Variants in SRGAP3 observed in about 807,000 individuals in gnomAD.
SRGAP3 encodes the protein SLIT-ROBO Rho GTPase-activating protein 3.
In SRGAP3, 39 loss-of-function variants were observed where a neutral mutation model predicts 121.1. The ratio of observed to expected loss-of-function variants is 0.32; its 90% CI spans 0.25 to 0.42. The LOEUF (loss-of-function observed/expected upper bound fraction) is 0.42, where lower values mean the gene tolerates loss of function less well. Ranked by LOEUF, SRGAP3 falls within the 10% of genes least tolerant of loss-of-function variation. SRGAP3 has a pLI of 1.00. For missense variants in SRGAP3, 1,213 were observed against 1,470.6 expected (o/e 0.82, Z 2.86); for synonymous variants, 601 against 570.0 (o/e 1.05, Z -0.77).
At chr3:9,141,831 C>A (rs1305029088) in intron 1 of SRGAP3, among the ~76,000 whole-genome samples, 5 of 152,204 alleles carry the variant, frequency 3.3e-5, no homozygotes, top group Admixed American at 2.0e-4. Flanking sequence ...AGGAGACCCT[C>A]TCTGCCTTTG....
At chr3:9,238,409 A>G (rs1355787546) in intron 1 of SRGAP3, among the ~76,000 whole-genome samples, 1 of 152,140 alleles carries the variant, frequency 6.6e-6, no homozygotes, top group Non-Finnish European at 1.5e-5. Flanking sequence ...GTCCTTAGGG[A>G]GGAGAGAAAG....
At chr3:9,016,628 A>G (rs2125042751) in intron 14 of SRGAP3, among the ~76,000 whole-genome samples, 1 of 152,276 alleles carries the variant, frequency 6.6e-6, no homozygotes, top group South Asian at 2.1e-4. Flanking sequence ...AATAAGTATG[A>G]TCTGTGAAAT....
In SRGAP3 at chr3:9,053,090, C is replaced by G; in HGVS notation, c.1260G>C (p.Met420Ile). Residue 420 changes from methionine (M) to isoleucine (I), a missense_variant, in exon 9 of 22, where the codon ATG (methionine) becomes ATC (isoleucine). By Grantham distance (10) the Met-to-Ile change is conservative (BLOSUM62 1). Transcript: ENST00000383836. ...TCCTCTTGGCAATGTTGATCTTGCT[C>G]ATGTAGGTCTCAGAGGCAGCCGACT... The part of the protein sequence containing the change: ...SVKSAASETY[M>I]SKINIAKRRA... 4 of 1,614,144 alleles carry G rather than the reference C, an allele frequency of 2.5e-6. No homozygotes were observed. Among genetic ancestry groups the G allele is most frequent in the Non-Finnish European group, 3.4e-6 (4 of 1,180,038 alleles).
At chr3:9,339,658 G>A (rs1370924436) in intron 1 of SRGAP3, among the ~76,000 whole-genome samples, 1 of 152,202 alleles carries the variant, frequency 6.6e-6, no homozygotes, top group Non-Finnish European at 1.5e-5. Flanking sequence ...TTAAAGAGAA[G>A]CAGGAAATAT....
intron 1 of SRGAP3, among the ~76,000 whole-genome samples, chr3:9,230,117 C>T (rs561495089): frequency 1.3e-5 from 2 of 152,320 alleles, no homozygotes; most frequent in African/African-American, 2.4e-5. Context: ...TAATAACAAT[C>T]GGTGACGCTG....
chr3:9,005,384 T>C (rs1943013134), intron 18 of SRGAP3, among the ~76,000 whole-genome samples: 1 of 152,210 alleles, frequency 6.6e-6, no homozygotes, highest in African/African-American at 2.4e-5. Flanking sequence ...CTTAAATGAC[T>C]GACATAGAGT....
chr3:9,096,990 C>T (rs802795), intron 3 of SRGAP3, among the ~76,000 whole-genome samples: 18,064 of 115,880 alleles, frequency 0.16, 1,789 homozygotes, highest in Admixed American at 0.21. Context: ...TACACATACA[C>T]ACACATATAT....
chr3:9,176,217 G>A (rs560137956), intron 1 of SRGAP3, among the ~76,000 whole-genome samples: 5 of 152,258 alleles, frequency 3.3e-5, no homozygotes. Flanking sequence ...ACCACAACCA[G>A]CCTAGCTTGG....
chr3:9,272,336 C>T (rs1393236263), intron 3 of SRGAP3, among the ~76,000 whole-genome samples: 1 of 152,204 alleles, frequency 6.6e-6, no homozygotes, highest in Non-Finnish European at 1.5e-5. Context: ...GTTGTGCAGC[C>T]AGCACCACCA....
chr3:9,157,428 C>T (rs1281470780), intron 1 of SRGAP3, among the ~76,000 whole-genome samples: 1 of 152,196 alleles, frequency 6.6e-6, no homozygotes, highest in Non-Finnish European at 1.5e-5. Flanking sequence ...GGTGGGGACA[C>T]AGAGCCAAAC....
intron 8 of SRGAP3, 109 bp from the exon 9 acceptor site, chr3:9,053,333 G>C: frequency 9.2e-7 from 1 of 1,086,634 alleles, no homozygotes. Flanking sequence ...AAGTCCCTAG[G>C]ATATAGGCAG....
At chr3:9,245,369 T>C (rs944897662) in intron 1 of SRGAP3, among the ~76,000 whole-genome samples, 10 of 152,210 alleles carry the variant, frequency 6.6e-5, no homozygotes, top group Non-Finnish European at 1.5e-5. Flanking sequence ...TATCCATTTA[T>C]TCTATCTGCC....
intron 1 of SRGAP3, among the ~76,000 whole-genome samples, chr3:9,339,316 G>T (rs749630441): frequency 1.2e-4 from 18 of 152,184 alleles, no homozygotes; most frequent in Non-Finnish European, 2.4e-4. Context: ...CTCTCACAGT[G>T]GCAAAAGAAG....
chr3:9,254,668 T>C (rs778047952), upstream of SRGAP3, among the ~76,000 whole-genome samples: 18 of 152,054 alleles, frequency 1.2e-4, no homozygotes, highest in Non-Finnish European at 2.2e-4. Flanking sequence ...TGGTGGTCCA[T>C]GCTTGTGGTC....
intron 3 of SRGAP3, among the ~76,000 whole-genome samples, chr3:9,302,472 T>G (rs1400400269): frequency 6.6e-6 from 1 of 152,058 alleles, no homozygotes; most frequent in East Asian, 1.9e-4. Context: ...AGGAAGGGGC[T>G]CAGGTGGGCG....
chr3:8,995,180 G>C (rs1440963635), intron 18 of SRGAP3, among the ~76,000 whole-genome samples: 2 of 152,192 alleles, frequency 1.3e-5, no homozygotes, highest in Non-Finnish European at 2.9e-5. Context: ...GTCTTTATAA[G>C]AGGAGCAGAG....
chr3:9,334,597 C>T (rs1486346862), intron 1 of SRGAP3, among the ~76,000 whole-genome samples: 1 of 152,146 alleles, frequency 6.6e-6, no homozygotes, highest in South Asian at 2.1e-4. Flanking sequence ...ATATTAGGCA[C>T]TTTGCAGATA....
chr3:9,288,764 AG>A (rs1954825617), intron 3 of SRGAP3, among the ~76,000 whole-genome samples: 1 of 151,552 alleles, frequency 6.6e-6, no homozygotes, highest in South Asian at 2.1e-4. Flanking sequence ...TTGTAGAGAC[AG>A]GGGTTCCACT....
chr3:9,144,740 A>G (rs1949968240), intron 1 of SRGAP3, among the ~76,000 whole-genome samples: 1 of 152,232 alleles, frequency 6.6e-6, no homozygotes, highest in African/African-American at 2.4e-5. Flanking sequence ...AAGTTCAATC[A>G]AACATCTTTT....
Sources: gnomAD v4.1 joint callset for allele counts (sites outside exome capture counted in the v4.1 genomes callset) on GRCh38, gnomAD v4.1.1 for gene constraint, MANE v1.5 for transcripts, NCBI Gene and HGNC (gene_info 2026-07-23, HGNC 2026-07-21) for gene names.